The following LMTK2 variants were observed in gnomAD, a reference collection of about 807,000 sequenced individuals.
LMTK2 encodes serine/threonine-protein kinase LMTK2.
LMTK2 carries 37 observed loss-of-function variants against 127.5 expected under a neutral mutation model. The ratio of observed to expected loss-of-function variants is 0.29; its 90% CI spans 0.22 to 0.38. LMTK2 has a LOEUF of 0.38. Among genes scored for constraint, LMTK2 ranks in the 10% least tolerant of loss-of-function variants. The pLI is 1.00. For synonymous variants in LMTK2, 819 were observed against 810.1 expected (o/e 1.01, Z -0.19); for missense variants, 1,694 against 1,920.3 (o/e 0.88, Z 2.20).
intron 3 of LMTK2, among the ~76,000 whole-genome samples, chr7:98,142,898 C>T (rs1796719596): frequency 6.6e-6 from 1 of 152,242 alleles, no homozygotes; most frequent in Non-Finnish European, 1.5e-5. Context: ...AGCAGCTCCA[C>T]ACCCATTCCC....
intron 1 of LMTK2, among the ~76,000 whole-genome samples, chr7:98,110,174 A>G (rs1300326440): frequency 2.0e-5 from 3 of 152,200 alleles, no homozygotes; most frequent in South Asian, 2.1e-4. Context: ...ACTGAAATTC[A>G]GCTTTTAAAC....
Position 98,207,738 on chromosome 7 carries a change from C to G in LMTK2, c.*2246C>G, listed in dbSNP as rs567495197. Reference sequence around the variant, plus strand: ...TCATGGAATCTGTCGTCGTCTTATACAGTGTCAGCCTCGAGTACATTTATT... The same window carrying G: ...TCATGGAATCTGTCGTCGTCTTATAGAGTGTCAGCCTCGAGTACATTTATT... On this transcript the variant is annotated 3_prime_UTR_variant, in exon 14 of 14. Coordinates refer to ENST00000297293, the MANE Select transcript of LMTK2 (RefSeq NM_014916.4). 6.6e-6 allele frequency: 1 copy of G among 152,136 alleles called. No individual in the cohort carries two copies. The highest frequency in any genetic ancestry group is 1.5e-5 in the Non-Finnish European group (1 of 68,032). The allele number at this position is 152,136 out of a possible 1,614,324, so 9.4% of individuals were successfully genotyped here.
rs1031161192 is a variant in LMTK2, at chr7:98,171,964, C to T, written c.791+290C>T. Reference sequence around the variant, plus strand: ...TTGGGAGTAAACAGTCCCGATCCACCGTATGACACCTCGCGTGTTTCATCC... The same window carrying T: ...TTGGGAGTAAACAGTCCCGATCCACTGTATGACACCTCGCGTGTTTCATCC... On this transcript the variant is annotated intron_variant, in intron 7 of 13. Transcript: ENST00000297293. The surrounding 1 kb of genome is among the most constrained non-coding windows in gnomAD (Gnocchi z 5.1). 5.3e-5 allele frequency among the ~76,000 whole-genome samples: 8 copies of T among 152,210 alleles called. No homozygotes were observed. Among genetic ancestry groups the T allele is most frequent in the Non-Finnish European group, 1.0e-4 (7 of 68,034 alleles).
At chr7:98,145,571 T>C (rs1796760994) in intron 3 of LMTK2, among the ~76,000 whole-genome samples, 1 of 152,194 alleles carries the variant, frequency 6.6e-6, no homozygotes, top group Non-Finnish European at 1.5e-5. Context: ...TATAGATTGC[T>C]GTGGTTTTTC....
Position 98,171,518 on chromosome 7 carries a change from C to T in LMTK2, c.658-23C>T, listed in dbSNP as rs749275928. Reference sequence around the variant, plus strand: ...TTTATTCCTGTGGCTCGTTTGGAAACTCACACGGGCTGACTTTTGCAGGGT... The same window carrying T: ...TTTATTCCTGTGGCTCGTTTGGAAATTCACACGGGCTGACTTTTGCAGGGT... On this transcript the variant is annotated intron_variant, in intron 6 of 13. Transcript: ENST00000297293. This position sits in a 1 kb window ranked among gnomAD's most constrained non-coding sequence, Gnocchi z 5.1. 62 of 1,612,266 alleles carry T rather than the reference C, an allele frequency of 3.8e-5. No individual in the cohort carries two copies. The highest frequency in any genetic ancestry group is 5.0e-5 in the Non-Finnish European group (59 of 1,179,560).
chr7:98,174,103 GTAAAAAA>G (rs1411724017), intron 7 of LMTK2, among the ~76,000 whole-genome samples: 3 of 88,398 alleles, frequency 3.4e-5, no homozygotes, highest in Non-Finnish European at 5.4e-5. Context: ...TCATTTTGTT[GTAAAAAA>G]AAAAAAAAAA....
rs952025038 is a variant in LMTK2 at position 98,186,969 on chromosome 7, T to A, written c.969T>A (p.Thr323=). ...LVTSFQDRLL[T]ADQTKYSNIW... is the part of the protein sequence containing the mutation. The stretch of plus-strand genomic sequence containing the variant: ...CCAGCTTTCAAGACAGACTGCTAAC[T>A]GCAGATCAGACTAAGTATAGTAATA... The change falls in exon 9 of 14, where the codon ACT becomes ACA. Residue 323 remains threonine, a synonymous_variant. Coordinates refer to ENST00000297293, the MANE Select transcript of LMTK2 (RefSeq NM_014916.4). 2 of 1,613,934 alleles carry A rather than the reference T, an allele frequency of 1.2e-6. No homozygotes were observed. Among genetic ancestry groups the A allele is most frequent in the Non-Finnish European group, 1.7e-6 (2 of 1,179,816 alleles).
Position 98,171,509 on chromosome 7 carries a change from G to A in LMTK2, c.658-32G>A, listed in dbSNP as rs375000427. The A allele has an allele frequency of 3.9e-5, 63 of 1,600,894 alleles. No homozygotes were observed. The highest frequency in any genetic ancestry group is 5.5e-5 in the South Asian group (5 of 90,298). On this transcript the variant is annotated intron_variant, in intron 6 of 13. Transcript: ENST00000297293. This position sits in a 1 kb window ranked among gnomAD's most constrained non-coding sequence, Gnocchi z 5.1. ...AGCGCTCACTTTATTCCTGTGGCTCGTTTGGAAACTCACACGGGCTGACTT... is the reference window on the plus strand; with the variant it reads ...AGCGCTCACTTTATTCCTGTGGCTCATTTGGAAACTCACACGGGCTGACTT...
chr7:98,113,490 GC>G (rs745813883), intron 1 of LMTK2, among the ~76,000 whole-genome samples: 2 of 152,194 alleles, frequency 1.3e-5, no homozygotes, highest in East Asian at 3.9e-4. Flanking sequence ...CAAATTCCTG[GC>G]CTCAAGTGAT....
At position 98,106,923 on chromosome 7, in the gene LMTK2, G is replaced by A. The variant is rs932020653; in HGVS notation, c.-255G>A. 1 of 458,790 alleles carries A rather than the reference G, an allele frequency of 2.2e-6. No homozygotes were observed. The highest frequency in any genetic ancestry group is 3.5e-5 in the East Asian group (1 of 28,184). 28.4% of individuals were successfully genotyped at this position (458,790 alleles called of 1,614,324 possible). On this transcript the variant is annotated 5_prime_UTR_variant, in exon 1 of 14. Transcript: ENST00000297293. ...GGCTTCCCAGGCCCGCCGCTCCGCA[G>A]GGCTGCTGGCGTTGCTGCTGTTGAG...
chr7:98,112,474 G>A (rs368477735), intron 1 of LMTK2, among the ~76,000 whole-genome samples: 4 of 152,214 alleles, frequency 2.6e-5, no homozygotes, highest in Admixed American at 6.5e-5. Context: ...AAATGTAAAC[G>A]TTTTAGAACG....
At chr7:98,176,642 T>A (rs1797281870) in intron 7 of LMTK2, among the ~76,000 whole-genome samples, 2 of 152,060 alleles carry the variant, frequency 1.3e-5, no homozygotes. Context: ...GTCAGGAGTT[T>A]GAGACCAGCC....
intron 3 of LMTK2, among the ~76,000 whole-genome samples, chr7:98,148,904 G>T (rs1019179829): frequency 5.9e-5 from 9 of 152,150 alleles, no homozygotes; most frequent in Non-Finnish European, 1.0e-4. Flanking sequence ...GAGCATACAC[G>T]TGGCTGTCTA....
intron 1 of LMTK2, among the ~76,000 whole-genome samples, chr7:98,120,961 G>A (rs1380493611): frequency 6.6e-6 from 1 of 152,156 alleles, no homozygotes; most frequent in African/African-American, 2.4e-5. Flanking sequence ...CTTTAATAAA[G>A]AGCTGATCAC....
intron 1 of LMTK2, among the ~76,000 whole-genome samples, chr7:98,109,912 G>T (rs960251197): frequency 1.3e-5 from 2 of 152,050 alleles, no homozygotes; most frequent in African/African-American, 4.8e-5. Flanking sequence ...ATCCTGACTA[G>T]TGAGCTCGCT....
Position 98,193,871 on chromosome 7 carries a change from C to T in LMTK2, c.3406C>T (p.Leu1136=). ...SALVLVQEQP[L]PEPVLPEQSP... ...CTTGGTGTTGGTACAGGAGCAGCCCCTACCCGAGCCAGTCCTCCCCGAGCA... is the reference window on the plus strand; with the variant it reads ...CTTGGTGTTGGTACAGGAGCAGCCCTTACCCGAGCCAGTCCTCCCCGAGCA... The change falls in exon 11 of 14, where the codon CTA becomes TTA. Residue 1136 remains leucine, a synonymous_variant. Transcript: ENST00000297293. This position sits in a 1 kb window ranked among gnomAD's most constrained non-coding sequence, Gnocchi z 4.1. 6.2e-7 allele frequency: 1 copy of T among 1,614,082 alleles called. No individual in the cohort carries two copies. Among genetic ancestry groups the T allele is most frequent in the Non-Finnish European group, 8.5e-7 (1 of 1,180,024 alleles).
At chr7:98,202,924 C>T (rs959411535) in intron 11 of LMTK2, among the ~76,000 whole-genome samples, 1 of 152,158 alleles carries the variant, frequency 6.6e-6, no homozygotes, top group Non-Finnish European at 1.5e-5. Flanking sequence ...GCCATACTTC[C>T]TGCAATCGCA....
At chr7:98,129,688 G>A (rs1184693032) in intron 1 of LMTK2, among the ~76,000 whole-genome samples, 2 of 152,140 alleles carry the variant, frequency 1.3e-5, no homozygotes, top group Non-Finnish European at 2.9e-5. Context: ...CTGTGATCCG[G>A]TAGGTTGGTT....
rs1006126699 is a variant in LMTK2 at position 98,140,098 on chromosome 7, C to A, written c.232-1299C>A. 2.8e-3 allele frequency among the ~76,000 whole-genome samples: 7 copies of A among 2,542 alleles called. 1 individual carries two copies. The highest frequency in any genetic ancestry group is 9.0e-3 in the African/African-American group (7 of 778). The allele number at this position is 2,542 out of a possible 152,430, so 1.7% of individuals were successfully genotyped here. ...CACAACTTTCTTTCTTTCTTTCTTT[C>A]TTTCTTTCTTTCTTTCTTTCTTTCT... On this transcript the variant is annotated intron_variant, in intron 2 of 13. Transcript: ENST00000297293.
Sources: gnomAD v4.1 joint callset for allele counts (sites outside exome capture counted in the v4.1 genomes callset) on GRCh38, gnomAD v4.1.1 for gene constraint, Gnocchi (gnomAD v3.1) non-coding constraint, MANE v1.5 for transcripts, NCBI Gene and HGNC (gene_info 2026-07-23, HGNC 2026-07-21) for gene names.